HDAC10: variants seen among roughly 807,000 people sequenced by gnomAD.
HDAC10 encodes the protein histone deacetylase 10.
A neutral mutation model predicts 82.3 loss-of-function variants in HDAC10; 90 were observed. The observed-to-expected ratio is 1.09, with a 90% CI of 0.92 to 1.30. The LOEUF (loss-of-function observed/expected upper bound fraction) is 1.30, where lower values mean the gene tolerates loss of function less well. Among genes scored for constraint, HDAC10 ranks in the 50% most tolerant of loss-of-function variants. The pLI, the probability that HDAC10 is intolerant of heterozygous loss-of-function variation, is 0.00. For synonymous variants in HDAC10, 456 were observed against 391.7 expected (o/e 1.16, Z -1.94); for missense variants, 934 against 876.3 (o/e 1.07, Z -0.83).
Position 50,250,131 on chromosome 22 carries a change from T to C in HDAC10, c.321A>G (p.Ala107=), listed in dbSNP as rs1450559783. Residue 107 remains alanine, a synonymous_variant, in exon 4 of 20, where the codon GCA becomes GCG. Transcript: ENST00000216271. ...PSTFHCARLA[A]GAGLQLVDAV... is the part of the protein sequence containing the mutation. ...CGTCCACCAGCTGCAGTCCAGCCCC[T>C]GCGGCCAGCCGCGCGCAGTGAAAGG... 5 of 1,612,622 alleles carry C rather than the reference T, an allele frequency of 3.1e-6. No individual in the cohort carries two copies. The highest frequency in any genetic ancestry group is 4.2e-6 in the Non-Finnish European group (5 of 1,179,946).
chr22:50,248,998 A>G lies in HDAC10; in HGVS notation c.756+105T>C, dbSNP rs1221756271. The G allele has an allele frequency of 6.9e-7, 1 of 1,447,468 alleles. No homozygotes were observed. The highest frequency in any genetic ancestry group is 1.4e-5 in the African/African-American group (1 of 71,304). The allele number at this position is 1,447,468 out of a possible 1,614,324, so 89.7% of individuals were successfully genotyped here. ...TCCTGAGCACCTTCCCCAGCCACAC[A>G]GGAGTGGGACAGCTCATAACCCTCC... On this transcript the variant is annotated intron_variant, in intron 8 of 19. Coordinates refer to ENST00000216271, the MANE Select transcript of HDAC10 (RefSeq NM_032019.6). The surrounding 1 kb of genome is among the most constrained non-coding windows in gnomAD (Gnocchi z 5.4).
In HDAC10 at chr22:50,248,157, T is replaced by G; in HGVS notation, c.1082-12A>C. ...CACAGCGGTCACATCTAGGGACAGTTCGGAGTCATAGCCACTGCACAGGAG... is the reference window on the plus strand; with the variant it reads ...CACAGCGGTCACATCTAGGGACAGTGCGGAGTCATAGCCACTGCACAGGAG... On this transcript the variant is annotated splice_polypyrimidine_tract_variant and intron_variant, in intron 12 of 19. Coordinates refer to ENST00000216271, the MANE Select transcript of HDAC10 (RefSeq NM_032019.6). This position sits in a 1 kb window ranked among gnomAD's most constrained non-coding sequence, Gnocchi z 5.4. 6.3e-7 allele frequency: 1 copy of G among 1,590,502 alleles called. No individual in the cohort carries two copies. Among genetic ancestry groups the G allele is most frequent in the Non-Finnish European group, 8.6e-7 (1 of 1,168,332 alleles).
At position 50,250,078 on chromosome 22, in the gene HDAC10, C is replaced by T. The variant is rs768694539; in HGVS notation, c.374G>A (p.Gly125Glu). 6.2e-7 allele frequency: 1 copy of T among 1,612,758 alleles called. No individual in the cohort carries two copies. The highest frequency in any genetic ancestry group is 1.1e-5 in the South Asian group (1 of 91,088). ...CAGCTCTCACCTCACCAGGGCAAGC[C>T]CATTTTGCACAGCTCCAGTGAGCAC... is the stretch of plus-strand genomic sequence containing the variant. ...DAVLTGAVQN[G>E]LALVRPPGHH... Residue 125 changes from glycine to glutamate, a missense_variant, in exon 4 of 20, where the codon GGG (glycine) becomes GAG (glutamate). By Grantham distance (98) the Gly-to-Glu change is moderately conservative (BLOSUM62 -2). Coordinates refer to ENST00000216271, the MANE Select transcript of HDAC10 (RefSeq NM_032019.6).
chr22:50,247,597 C>G, intron 14 of HDAC10, 95 bp downstream of exon 14: 1 of 889,782 alleles, frequency 1.1e-6, no homozygotes, highest in Non-Finnish European at 1.8e-6. Context: ...TTCTGCACCA[C>G]CCAGCCCTCC....
chr22:50,246,062 C>T lies in HDAC10; in HGVS notation c.1681G>A (p.Gly561Ser). 12 of 1,610,634 alleles carry T rather than the reference C, an allele frequency of 7.5e-6. No individual in the cohort carries two copies. The highest frequency in any genetic ancestry group is 1.0e-5 in the Non-Finnish European group (12 of 1,178,336). Residue 561 changes from glycine (G) to serine (S), a missense_variant, in exon 18 of 20, where the codon GGC becomes AGC. Transcript: ENST00000216271. ...CCATAGGCCAGGGGCAGCACCAAGC[C>T]CAAGATGCAGCTCAGGAAACCACCG... ...MTGGFLSCIL[G>S]LVLPLAYGFQ...
At position 50,245,719 on chromosome 22, in the gene HDAC10, T is replaced by A; in HGVS notation, c.1942A>T (p.Met648Leu). Residue 648 changes from methionine (M) to leucine (L), a missense_variant, in exon 19 of 20, where the codon ATG (methionine) becomes TTG (leucine). Coordinates refer to ENST00000216271, the MANE Select transcript of HDAC10 (RefSeq NM_032019.6). ...GGCTCCAGCTGCCCTCTCAGGTACATCAGGGCCTGGACGTCCTCTGGGGAG... is the reference window on the plus strand; with the variant it reads ...GGCTCCAGCTGCCCTCTCAGGTACAACAGGGCCTGGACGTCCTCTGGGGAG... ...VASPEDVQAL[M>L]YLRGQLEPQW... 3 of 1,613,196 alleles carry A rather than the reference T, an allele frequency of 1.9e-6. No homozygotes were observed. Among genetic ancestry groups the A allele is most frequent in the Non-Finnish European group, 2.5e-6 (3 of 1,179,930 alleles).
rs533068264 is a variant in HDAC10, at chr22:50,250,448, G to A, written c.270C>T (p.Phe90=). 2.7e-4 allele frequency: 428 copies of A among 1,612,946 alleles called. 6 individuals carry two copies. The South Asian group carries it at 3.9e-3, about 15-fold the overall frequency. The change falls in exon 3 of 20, where the codon TTC becomes TTT. Residue 90 remains phenylalanine, a synonymous_variant. Coordinates refer to ENST00000216271, the MANE Select transcript of HDAC10 (RefSeq NM_032019.6). ...GCACCGGGTGGAAGTAGATGGCGTCGAACTGTCCGGACAGCGCCTGCAGCT... is the reference window on the plus strand; with the variant it reads ...GCACCGGGTGGAAGTAGATGGCGTCAAACTGTCCGGACAGCGCCTGCAGCT... The part of the protein sequence containing the change: ...KEELQALSGQ[F]DAIYFHPSTF...
At chr22:50,246,819 T>A in intron 15 of HDAC10, 56 bp downstream of exon 15, 1 of 1,595,356 alleles carries the variant, frequency 6.3e-7, no homozygotes, top group Admixed American at 1.7e-5. Context: ...CCAGCCAGGA[T>A]AGGGGTGCCC....
chr22:50,247,555 C>G (rs1246982597), intron 14 of HDAC10, 137 bp downstream of exon 14: 1 of 652,354 alleles, frequency 1.5e-6, no homozygotes, highest in Non-Finnish European at 2.6e-6. Flanking sequence ...GGGAACAGTT[C>G]CTGGCACAAG....
chr22:50,246,181 G>A (rs2064940068), intron 17 of HDAC10, 89 bp from the exon 18 acceptor site: 1 of 1,531,562 alleles, frequency 6.5e-7, no homozygotes, highest in African/African-American at 1.4e-5. Context: ...CCCTGGAGTA[G>A]GAGCAGGGAG....
Position 50,248,476 on chromosome 22 carries a change from G to A in HDAC10, c.907-4C>T, listed in dbSNP as rs774992191. 17 of 1,602,706 alleles carry A rather than the reference G, an allele frequency of 1.1e-5. No individual in the cohort carries two copies. The highest frequency in any genetic ancestry group is 3.3e-4 in the Middle Eastern group (2 of 6,050). On this transcript the variant is annotated splice_polypyrimidine_tract_variant and splice_region_variant and intron_variant, in intron 10 of 19. Coordinates refer to ENST00000216271, the MANE Select transcript of HDAC10 (RefSeq NM_032019.6). The surrounding 1 kb of genome is among the most constrained non-coding windows in gnomAD (Gnocchi z 5.4). ...GTGACTCCAGGTGGTAGCCGCCCTG[G>A]GAGGAGGGTGGAGACATGATTGGGG...
Position 50,249,103 on chromosome 22 carries a change from C to T in HDAC10, c.756G>A (p.Glu252=), listed in dbSNP as rs780307636. ...FLHLLLPLAF[E]FDPELVLVSA... ...CTGGGGGAGCCCTCCGTGCAGTCAC[C>T]TCAAAGGCCAGTGGGAGCAGCAGGT... The change falls in exon 8 of 20, where the codon GAG becomes GAA. Residue 252 remains glutamate (E), a splice_region_variant and synonymous_variant. Transcript: ENST00000216271. This position sits in a 1 kb window ranked among gnomAD's most constrained non-coding sequence, Gnocchi z 4.4. The T allele has an allele frequency of 1.1e-5, 17 of 1,598,038 alleles. No homozygotes were observed. The African/African-American group carries it at 1.9e-4, about 18-fold the overall frequency.
At position 50,250,141 on chromosome 22, in the gene HDAC10, C is replaced by T. The variant is rs750519831; in HGVS notation, c.311G>A (p.Arg104Gln). The T allele has an allele frequency of 1.4e-5, 23 of 1,612,372 alleles. No homozygotes were observed. In the East Asian group the frequency reaches 2.0e-4, roughly 14 times the overall value. Reference sequence around the variant, plus strand: ...CTGCAGTCCAGCCCCTGCGGCCAGCCGCGCGCAGTGAAAGGTACTCTGTGG... The same window carrying T: ...CTGCAGTCCAGCCCCTGCGGCCAGCTGCGCGCAGTGAAAGGTACTCTGTGG... ...YFHPSTFHCA[R>Q]LAAGAGLQLV... The change falls in exon 4 of 20, where the codon CGG (arginine) becomes CAG (glutamine). Residue 104 changes from arginine to glutamine, a missense_variant. Coordinates refer to ENST00000216271, the MANE Select transcript of HDAC10 (RefSeq NM_032019.6).
chr22:50,247,925 C>T lies in HDAC10; in HGVS notation c.1302G>A (p.Ala434=), dbSNP rs771769622. ...VLPPDVIQQE[A]SALREETEAW... is the part of the protein sequence containing the mutation. ...CTTCTGTCTCCTCCCTCAGGGCTGACGCTTCCTGTTGGATGACGTCAGGGG... is the reference window on the plus strand; with the variant it reads ...CTTCTGTCTCCTCCCTCAGGGCTGATGCTTCCTGTTGGATGACGTCAGGGG... The change falls in exon 13 of 20, where the codon GCG becomes GCA. Residue 434 remains alanine (A), a synonymous_variant. Transcript: ENST00000216271. The T allele has an allele frequency of 3.0e-5, 48 of 1,612,798 alleles. 1 individual carries two copies. The highest frequency in any genetic ancestry group is 6.6e-5 in the South Asian group (6 of 91,072).
chr22:50,246,522 T>C, intron 16 of HDAC10, 146 bp from the exon 17 acceptor site: 1 of 1,017,916 alleles, frequency 9.8e-7, no homozygotes, highest in Admixed American at 1.8e-5. Context: ...CACCTGGCAT[T>C]GCCTCCAGCA....
rs1202072381 is a variant in HDAC10, at chr22:50,249,853, C to T, written c.494+7G>A. On this transcript the variant is annotated splice_region_variant and intron_variant, in intron 5 of 19. Transcript: ENST00000216271. This position sits in a 1 kb window ranked among gnomAD's most constrained non-coding sequence, Gnocchi z 4.4. ...GCCCACCCCCCTGCAGCCAGCCTGG[C>T]ACACACCTGTGTAGCCCGTGTTTCT... The T allele has an allele frequency of 6.2e-7, 1 of 1,611,534 alleles. No individual in the cohort carries two copies. The highest frequency in any genetic ancestry group is 1.7e-5 in the Admixed American group (1 of 59,942).
At chr22:50,247,440 A>C in intron 14 of HDAC10, 1 of 432,314 alleles carries the variant, frequency 2.3e-6, no homozygotes, top group Non-Finnish European at 4.1e-6. Context: ...GCCTAAATGT[A>C]TACTTTAAAT....
In HDAC10 at chr22:50,245,482, G is replaced by A; in HGVS notation, c.*25C>T. 2.5e-6 allele frequency: 2 copies of A among 800,038 alleles called. No homozygotes were observed. The highest frequency in any genetic ancestry group is 4.5e-6 in the Non-Finnish European group (2 of 444,042). 49.6% of individuals were successfully genotyped at this position (800,038 alleles called of 1,614,324 possible). A position where few individuals can be genotyped will look rare whatever the true frequency, so the allele number is the denominator to read the frequency against. ...TGGCGTGCGGTGTCATTTCTGCGGTGTAAATGCTCCCACCTTGGCCGATTT... is the reference window on the plus strand; with the variant it reads ...TGGCGTGCGGTGTCATTTCTGCGGTATAAATGCTCCCACCTTGGCCGATTT... On this transcript the variant is annotated 3_prime_UTR_variant, in exon 20 of 20. Transcript: ENST00000216271.
Position 50,247,701 on chromosome 22 carries a change from C to T in HDAC10, c.1413G>A (p.Leu471=), listed in dbSNP as rs886148586. ...GKLLYLLDGM[L]DGQVNSGIAA... ...TCCCAGGTGCTCCCACCTGCCCATC[C>T]AGCATCCCATCTAAGAGGTACAGGA... Residue 471 remains leucine, a synonymous_variant, in exon 14 of 20, where the codon CTG becomes CTA. Coordinates refer to ENST00000216271, the MANE Select transcript of HDAC10 (RefSeq NM_032019.6). The T allele has an allele frequency of 6.4e-7, 1 of 1,574,352 alleles. No homozygotes were observed. The highest frequency in any genetic ancestry group is 8.7e-7 in the Non-Finnish European group (1 of 1,154,050).
Sources: allele counts gnomAD v4.1 joint callset, GRCh38; gene constraint gnomAD v4.1.1; non-coding constraint Gnocchi (gnomAD v3.1); transcripts MANE v1.5; gene names NCBI Gene and HGNC (gene_info 2026-07-23, HGNC 2026-07-21).